RPH3AL: variants seen among roughly 807,000 people sequenced by gnomAD.
The protein encoded by RPH3AL is rab effector Noc2.
RPH3AL carries 38 observed loss-of-function variants against 43.1 expected under a neutral mutation model. The observed-to-expected ratio is 0.88, with a 90% CI of 0.68 to 1.15. The LOEUF (loss-of-function observed/expected upper bound fraction) is 1.15, where lower values mean the gene tolerates loss of function less well. Ranked by LOEUF, RPH3AL falls within the 50% of genes most tolerant of loss-of-function variation. The pLI is 0.00. For synonymous variants in RPH3AL, 189 were observed against 176.3 expected (o/e 1.07, Z -0.57); for missense variants, 462 against 423.2 (o/e 1.09, Z -0.81).
intron 7 of RPH3AL, among the ~76,000 whole-genome samples, chr17:230,362 C>T (rs529587010): frequency 1.4e-4 from 21 of 152,292 alleles, no homozygotes; most frequent in Middle Eastern, 3.4e-3. Context: ...GGTGGATGGA[C>T]GGAAGAAGAG....
At position 217,149 on chromosome 17, in the gene RPH3AL, G is replaced by C. The variant is rs202135669; in HGVS notation, c.728-1347C>G. 9.0e-4 allele frequency among the ~76,000 whole-genome samples: 97 copies of C among 107,790 alleles called. 1 individual carries two copies. The highest frequency in any genetic ancestry group is 1.8e-3 in the African/African-American group (45 of 25,308). 70.7% of individuals were successfully genotyped at this position (107,790 alleles called of 152,430 possible). A position where few individuals can be genotyped will look rare whatever the true frequency, so the allele number is the denominator to read the frequency against. On this transcript the variant is annotated intron_variant, in intron 8 of 9. Transcript: ENST00000331302. ...CCCCCAAGGCATTTAGTTCCCATCT[G>C]GGGCAGTTATTACAGAGCCCTTCTT... is the stretch of plus-strand genomic sequence containing the variant.
rs146870630 is a variant in RPH3AL at position 261,629 on chromosome 17, C to G, written c.439-14344G>C. ...ATCGCATTAGACTTATCACTGGTAA[C>G]AGTGGCCGCCCAAAGACTCTGGATC... On this transcript the variant is annotated intron_variant, in intron 6 of 9. Transcript: ENST00000331302. 207 of 152,374 alleles carry G rather than the reference C, an allele frequency of 1.4e-3. 1 individual carries two copies. The highest frequency in any genetic ancestry group is 4.8e-3 in the African/African-American group (200 of 41,582). The allele number at this position is 152,374 out of a possible 1,614,324, so 9.4% of individuals were successfully genotyped here.
At chr17:315,158 C>T (rs796884336) in intron 5 of RPH3AL, among the ~76,000 whole-genome samples, 20 of 143,376 alleles carry the variant, frequency 1.4e-4, no homozygotes, top group Admixed American at 3.5e-4. Context: ...ACCTGTAGTC[C>T]CTGTGCCCCC....
Position 245,435 on chromosome 17 carries a change from G to A in RPH3AL, c.613+1676C>T, listed in dbSNP as rs113531219. On this transcript the variant is annotated intron_variant, in intron 7 of 9. Transcript: ENST00000331302. The surrounding 1 kb of genome is among the most constrained non-coding windows in gnomAD (Gnocchi z 5.9). Reference sequence around the variant, plus strand: ...TGTGCATGGTGATGTGTGTGTAGGTGTGAGCGTGTGTCAATGCGGTTGTGT... The same window carrying A: ...TGTGCATGGTGATGTGTGTGTAGGTATGAGCGTGTGTCAATGCGGTTGTGT... Among the ~76,000 whole-genome samples the A allele has an allele frequency of 3.1e-3, 472 of 150,256 alleles. 1 individual carries two copies. The highest frequency in any genetic ancestry group is 0.01 in the Middle Eastern group (3 of 292).
intron 6 of RPH3AL, among the ~76,000 whole-genome samples, chr17:258,271 T>A (rs2042110779): frequency 1.3e-5 from 2 of 152,150 alleles, no homozygotes; most frequent in Non-Finnish European, 2.9e-5. Flanking sequence ...TTCTTCAAGC[T>A]CCTAGCACAC....
intron 5 of RPH3AL, among the ~76,000 whole-genome samples, chr17:293,179 GT>G (rs1287645314): frequency 6.6e-6 from 1 of 152,148 alleles, no homozygotes; most frequent in East Asian, 1.9e-4. Context: ...ACCTCTCCCA[GT>G]TGAAAGCAAG....
chr17:259,443 C>T (rs1171129058), intron 6 of RPH3AL, among the ~76,000 whole-genome samples: 3 of 152,188 alleles, frequency 2.0e-5, no homozygotes, highest in South Asian at 4.1e-4. Context: ...GCCTTAATCA[C>T]GTAACTTCTG....
At chr17:285,897 C>A (rs534532798) in intron 5 of RPH3AL, among the ~76,000 whole-genome samples, 2 of 152,166 alleles carry the variant, frequency 1.3e-5, no homozygotes, top group East Asian at 1.9e-4. Context: ...ACCTCCCCTG[C>A]GATTCACTAA....
At chr17:284,957 C>T (rs909419249) in intron 5 of RPH3AL, among the ~76,000 whole-genome samples, 2 of 152,178 alleles carry the variant, frequency 1.3e-5, no homozygotes, top group African/African-American at 4.8e-5. Context: ...GATAAGGACG[C>T]CAATCCCATC....
intron 6 of RPH3AL, among the ~76,000 whole-genome samples, chr17:250,513 G>GGAGACCAACCTGGCCAA (rs2041874377): frequency 6.8e-6 from 1 of 147,634 alleles, no homozygotes; most frequent in Admixed American, 6.8e-5. Flanking sequence ...CTCCGTCGCT[G>GGAGACCAACCTGGCCAA]CAGGACCTCT....
chr17:307,211 T>C (rs1403109036), intron 5 of RPH3AL, among the ~76,000 whole-genome samples: 2 of 41,280 alleles, frequency 4.8e-5, no homozygotes, highest in African/African-American at 7.5e-5. Context: ...CCACGGCAGG[T>C]CCATCCCACG....
intron 5 of RPH3AL, among the ~76,000 whole-genome samples, chr17:315,641 T>C (rs1271694045): frequency 6.7e-3 from 849 of 125,884 alleles, no homozygotes; most frequent in African/African-American, 0.024. Flanking sequence ...TCCACTGACC[T>C]GTAGTCCCTG....
At chr17:272,939 A>AGAGACCCCAGCAAGGGCTACGTCAGGGT (rs200410039) in intron 6 of RPH3AL, among the ~76,000 whole-genome samples, 86 of 121,806 alleles carry the variant, frequency 7.1e-4, no homozygotes, top group Non-Finnish European at 1.0e-3. Flanking sequence ...GACATCAGGG[A>AGAGACCCCAGCAAGGGCTACGTCAGGGT]GAGACCCCAG....
At chr17:304,688 C>T (rs2151642802) in intron 5 of RPH3AL, among the ~76,000 whole-genome samples, 1 of 152,236 alleles carries the variant, frequency 6.6e-6, no homozygotes, top group African/African-American at 2.4e-5. Context: ...CCTGGCTGGA[C>T]TCCTGCAAAC....
At chr17:314,382 A>G (rs1036598214) in intron 5 of RPH3AL, among the ~76,000 whole-genome samples, 1 of 144,118 alleles carries the variant, frequency 6.9e-6, no homozygotes. Context: ...GAGTCCTGCA[A>G]GTTGGCCATT....
intron 5 of RPH3AL, among the ~76,000 whole-genome samples, chr17:285,217 C>T (rs1014381751): frequency 7.2e-5 from 11 of 152,296 alleles, no homozygotes; most frequent in Admixed American, 4.6e-4. Context: ...CTGCACCTCA[C>T]GCCATCCTGC....
rs1555520485 is a variant in RPH3AL, at chr17:315,770, C to T, written c.351+3650G>A. Among the ~76,000 whole-genome samples the T allele has an allele frequency of 2.3e-3, 349 of 149,930 alleles. 25 individuals carry two copies. Among genetic ancestry groups the T allele is most frequent in the Middle Eastern group, 3.5e-3 (1 of 286 alleles). ...CTCCACATCCATTGACCTTTAGTCC[C>T]CGTGACCCCATCTCTATTGACCTGT... is the stretch of plus-strand genomic sequence containing the variant. On this transcript the variant is annotated intron_variant, in intron 5 of 9. Coordinates refer to ENST00000331302, the MANE Select transcript of RPH3AL (RefSeq NM_006987.4).
chr17:231,977 G>C (rs74559238), intron 7 of RPH3AL, among the ~76,000 whole-genome samples: 2 of 152,178 alleles, frequency 1.3e-5, no homozygotes, highest in Non-Finnish European at 1.5e-5. Flanking sequence ...AAGCAACAGC[G>C]GCTCATTTGT....
intron 6 of RPH3AL, chr17:262,091 T>C (rs1303764805): frequency 6.6e-6 from 1 of 152,250 alleles, no homozygotes; most frequent in African/African-American, 2.4e-5. Context: ...ATGACAGGGA[T>C]GAAGAAATTC....
Sources: gnomAD v4.1 joint callset for allele counts (sites outside exome capture counted in the v4.1 genomes callset) on GRCh38, gnomAD v4.1.1 for gene constraint, Gnocchi (gnomAD v3.1) non-coding constraint, MANE v1.5 for transcripts, NCBI Gene and HGNC (gene_info 2026-07-23, HGNC 2026-07-21) for gene names.